The following OCA2 variants were observed in gnomAD, a reference collection of about 807,000 sequenced individuals.
The protein encoded by OCA2 is OCA2 melanosomal transmembrane protein.
In OCA2, 77 loss-of-function variants were observed where a neutral mutation model predicts 100.2. That is an observed-to-expected ratio of 0.77 (90% CI 0.64 to 0.93). The LOEUF is 0.93. Among genes scored for constraint, OCA2 ranks in the 40% least tolerant of loss-of-function variants. The pLI is 0.00. For missense variants in OCA2, 1,062 were observed against 1,089.1 expected (o/e 0.98, Z 0.35); for synonymous variants, 432 against 439.2 (o/e 0.98, Z 0.21).
intron 19 of OCA2, among the ~76,000 whole-genome samples, chr15:27,918,352 G>C (rs1038468914): frequency 1.3e-5 from 2 of 152,118 alleles, no homozygotes; most frequent in Non-Finnish European, 2.9e-5. Context: ...TTACAGGCGA[G>C]AGCCACTGTG....
chr15:28,081,626 G>A, intron 2 of OCA2, 22 bp downstream of exon 2: 2 of 1,601,498 alleles, frequency 1.2e-6, no homozygotes, highest in East Asian at 2.2e-5. Context: ...ACATTTACAA[G>A]ATGGCACTAT....
chr15:28,067,871 A>C (rs530519598), intron 2 of OCA2, among the ~76,000 whole-genome samples: 1 of 152,286 alleles, frequency 6.6e-6, no homozygotes, highest in Non-Finnish European at 1.5e-5. Flanking sequence ...GTTGAGTTTA[A>C]GTCCAGAGTT....
chr15:27,949,213 T>C (rs1483917137), intron 18 of OCA2, among the ~76,000 whole-genome samples: 1 of 152,272 alleles, frequency 6.6e-6, no homozygotes, highest in Non-Finnish European at 1.5e-5. Flanking sequence ...CTATGTTATA[T>C]GAAATTACAT....
chr15:27,772,581 G>A (rs528655416), intron 23 of OCA2, among the ~76,000 whole-genome samples: 2 of 152,160 alleles, frequency 1.3e-5, no homozygotes, highest in South Asian at 4.1e-4. Context: ...GGTGGCTCAC[G>A]CCTGTAATCC....
intron 9 of OCA2, among the ~76,000 whole-genome samples, chr15:28,008,176 G>C (rs909031321): frequency 2.0e-5 from 3 of 152,196 alleles, no homozygotes; most frequent in African/African-American, 7.2e-5. Context: ...AAAAAGTAGA[G>C]TAGAGTTTCC....
intron 2 of OCA2, among the ~76,000 whole-genome samples, chr15:28,061,136 A>G (rs557528921): frequency 6.6e-6 from 1 of 152,286 alleles, no homozygotes; most frequent in East Asian, 1.9e-4. Context: ...CCCAAGAGGG[A>G]CCTGTGAAGT....
chr15:28,013,148 C>T (rs2042288025), intron 9 of OCA2, among the ~76,000 whole-genome samples: 1 of 152,182 alleles, frequency 6.6e-6, no homozygotes, highest in South Asian at 2.1e-4. Flanking sequence ...CAGACCCCTG[C>T]ACACCTGTGA....
intron 2 of OCA2, among the ~76,000 whole-genome samples, chr15:28,080,602 G>C: frequency 6.6e-6 from 1 of 152,224 alleles, no homozygotes; most frequent in African/African-American, 2.4e-5. Flanking sequence ...GCTCCCCCTG[G>C]AGCGGGCAGG....
intron 23 of OCA2, among the ~76,000 whole-genome samples, chr15:27,784,464 A>G (rs2032705282): frequency 6.6e-6 from 1 of 152,226 alleles, no homozygotes; most frequent in African/African-American, 2.4e-5. Context: ...AAATTTTGTG[A>G]CATATAAATA....
At position 27,957,550 on chromosome 15, in the gene OCA2, C is replaced by T. The variant is rs780417577; in HGVS notation, c.1784+38G>A. On this transcript the variant is annotated intron_variant, in intron 16 of 23. Coordinates refer to ENST00000354638, the MANE Select transcript of OCA2 (RefSeq NM_000275.3). This position sits in a 1 kb window ranked among gnomAD's most constrained non-coding sequence, Gnocchi z 4.3. ...TGTAGGCCCATGGAATGTTCTGCTG[C>T]ACACCAAGCACAGTCTGAGCAGGAC... 3 of 1,610,184 alleles carry T rather than the reference C, an allele frequency of 1.9e-6. No homozygotes were observed. The Admixed American group carries it at 5.0e-5, about 27-fold the overall frequency.
intron 19 of OCA2, among the ~76,000 whole-genome samples, chr15:27,886,069 C>G (rs1021905402): frequency 3.8e-4 from 58 of 152,264 alleles, no homozygotes; most frequent in African/African-American, 1.3e-3. Context: ...TGAACCACCA[C>G]CAGCATGCTT....
chr15:27,798,068 C>T (rs2033424906), intron 23 of OCA2, among the ~76,000 whole-genome samples: 1 of 152,204 alleles, frequency 6.6e-6, no homozygotes, highest in Non-Finnish European at 1.5e-5. Flanking sequence ...GTGTGACATG[C>T]CGTCGCTAGG....
At chr15:27,817,399 C>T (rs1174206660) in intron 23 of OCA2, among the ~76,000 whole-genome samples, 1 of 152,196 alleles carries the variant, frequency 6.6e-6, no homozygotes, top group Non-Finnish European at 1.5e-5. Context: ...CCCTTAACTG[C>T]TCTACAAATA....
At chr15:28,096,373 G>C (rs1012760857) in intron 1 of OCA2, among the ~76,000 whole-genome samples, 3 of 152,216 alleles carry the variant, frequency 2.0e-5, no homozygotes, top group Non-Finnish European at 4.4e-5. Flanking sequence ...CTGTGAGCCG[G>C]AGGCGTAGCC....
intron 19 of OCA2, among the ~76,000 whole-genome samples, chr15:27,897,266 C>T (rs2037742668): frequency 6.6e-6 from 1 of 152,102 alleles, no homozygotes; most frequent in African/African-American, 2.4e-5. Flanking sequence ...AATATAGTTT[C>T]CTGGGTCGGG....
chr15:27,906,298 T>A (rs1231488609), intron 19 of OCA2, among the ~76,000 whole-genome samples: 1 of 152,090 alleles, frequency 6.6e-6, no homozygotes, highest in Non-Finnish European at 1.5e-5. Context: ...CCCATAAATA[T>A]GCAACAACTA....
At chr15:28,024,152 G>A (rs1394944526) in intron 5 of OCA2, among the ~76,000 whole-genome samples, 1 of 152,132 alleles carries the variant, frequency 6.6e-6, no homozygotes, top group African/African-American at 2.4e-5. Context: ...CTCCCTGCTC[G>A]GGCTCCTGTG....
intron 23 of OCA2, among the ~76,000 whole-genome samples, chr15:27,782,564 C>T (rs1595401773): frequency 6.6e-6 from 1 of 152,322 alleles, no homozygotes; most frequent in East Asian, 1.9e-4. Context: ...TCTCTTTTAT[C>T]TAATTGATAA....
chr15:27,737,762 C>G, the OCA2 span, among the ~76,000 whole-genome samples: 3 of 152,172 alleles, frequency 2.0e-5, 1 homozygote, highest in South Asian at 6.2e-4. Context: ...TTAAAATTAA[C>G]AACTTTTGTT....
Sources: gnomAD v4.1 joint callset for allele counts (sites outside exome capture counted in the v4.1 genomes callset) on GRCh38, gnomAD v4.1.1 for gene constraint, Gnocchi (gnomAD v3.1) non-coding constraint, MANE v1.5 for transcripts, NCBI Gene and HGNC (gene_info 2026-07-23, HGNC 2026-07-21) for gene names.